The following NANOGNB variants were observed in gnomAD, a reference collection of about 807,000 sequenced individuals.
The protein encoded by NANOGNB is NANOG neighbor homeobox.
Under a neutral mutation model 25.0 loss-of-function variants are expected in NANOGNB, and 30 were observed. The ratio of observed to expected loss-of-function variants is 1.20; its 90% CI spans 0.90 to 1.63. The LOEUF (loss-of-function observed/expected upper bound fraction) is 1.63, where lower values mean the gene tolerates loss of function less well. NANOGNB is among the 40% of genes most tolerant of loss of function. The pLI, the probability that NANOGNB is intolerant of heterozygous loss-of-function variation, is 0.00. For synonymous variants in NANOGNB, 84 were observed against 62.1 expected (o/e 1.35, Z -1.66); for missense variants, 200 against 188.1 (o/e 1.06, Z -0.37).
At chr12:7,772,966 G>A (rs1017549508) in intron 3 of NANOGNB, among the ~76,000 whole-genome samples, 7 of 152,012 alleles carry the variant, frequency 4.6e-5, no homozygotes, top group African/African-American at 1.4e-4. Flanking sequence ...TTACATGCAT[G>A]AGACTGCATT....
intron 3 of NANOGNB, among the ~76,000 whole-genome samples, chr12:7,771,898 G>A (rs979797953): frequency 1.3e-5 from 2 of 152,146 alleles, no homozygotes; most frequent in Non-Finnish European, 2.9e-5. Context: ...TGGGATTCTA[G>A]GTGTGAACCT....
Position 7,765,226 on chromosome 12 carries a change from T to C in NANOGNB, c.-60T>C, listed in dbSNP as rs1382053352. The C allele has an allele frequency of 1.6e-6, 2 of 1,284,588 alleles. No homozygotes were observed. Among genetic ancestry groups the C allele is most frequent in the African/African-American group, 1.5e-5 (1 of 65,366 alleles). The allele number at this position is 1,284,588 out of a possible 1,614,324, so 79.6% of individuals were successfully genotyped here. ...CAAAAGATGGATGACATCTACCTTA[T>C]CTGGTCGGTCATCTCTGTAACCTCC... On this transcript the variant is annotated 5_prime_UTR_variant, in exon 1 of 4. Transcript: ENST00000382119.
intron 3 of NANOGNB, among the ~76,000 whole-genome samples, chr12:7,772,232 C>A (rs1862574956): frequency 6.6e-6 from 1 of 152,150 alleles, no homozygotes. Flanking sequence ...TTGGGCTTGC[C>A]ACAGGGAAAG....
At chr12:7,772,856 G>A (rs1287422692) in intron 3 of NANOGNB, among the ~76,000 whole-genome samples, 2 of 152,042 alleles carry the variant, frequency 1.3e-5, no homozygotes, top group African/African-American at 4.8e-5. Context: ...GGGATTACAG[G>A]CATGAGCCAC....
In NANOGNB at chr12:7,769,389, C is replaced by A. The variant is rs754230837; in HGVS notation, c.103-594C>A. 8.5e-4 allele frequency among the ~76,000 whole-genome samples: 128 copies of A among 151,138 alleles called. 1 individual carries two copies. Among genetic ancestry groups the A allele is most frequent in the African/African-American group, 2.8e-3 (114 of 41,132 alleles). On this transcript the variant is annotated intron_variant, in intron 1 of 3. Transcript: ENST00000382119. The stretch of plus-strand genomic sequence containing the variant: ...CCAGGCTGGAGTGCAGTGGTGCAAC[C>A]TCAGCCCACTGCAACCTCTGCCTCC...
At chr12:7,773,152 T>C (rs1862600902) in intron 3 of NANOGNB, among the ~76,000 whole-genome samples, 1 of 144,716 alleles carries the variant, frequency 6.9e-6, no homozygotes, top group African/African-American at 2.6e-5. Flanking sequence ...GATGGGGGTC[T>C]CACTATGCTG....
Position 7,770,462 on chromosome 12 carries a change from G to A in NANOGNB, c.459G>A (p.Thr153=), listed in dbSNP as rs749443725. 46 of 1,534,610 alleles carry A rather than the reference G, an allele frequency of 3.0e-5. No individual in the cohort carries two copies. Among genetic ancestry groups the A allele is most frequent in the East Asian group, 2.5e-5 (1 of 40,782 alleles). Residue 153 remains threonine (T), a synonymous_variant, in exon 3 of 4, where the codon ACG becomes ACA. Coordinates refer to ENST00000382119, the MANE Select transcript of NANOGNB (RefSeq NM_001145465.1). The part of the protein sequence containing the change: ...HKQISQWFCK[T]RKKYNKEMSK... ...AGATAAGTCAATGGTTTTGTAAAAC[G>A]AGGAAGAAATATAATAAAGAAATGT...
In NANOGNB at chr12:7,767,309, C is replaced by T. The variant is rs547689248; in HGVS notation, c.102+1922C>T. Among the ~76,000 whole-genome samples the T allele has an allele frequency of 1.8e-4, 28 of 151,702 alleles. No individual in the cohort carries two copies. The South Asian group carries it at 5.8e-3, about 32-fold the overall frequency. The stretch of plus-strand genomic sequence containing the variant: ...CAGAGAACTCTTTAAAATTTTCTTA[C>T]ACTTTATCACATTCTGTAAAAGAAA... On this transcript the variant is annotated intron_variant, in intron 1 of 3. Transcript: ENST00000382119.
At position 7,773,985 on chromosome 12, in the gene NANOGNB, G is replaced by A. The variant is rs1039811035; in HGVS notation, c.*134G>A. 16 of 451,442 alleles carry A rather than the reference G, an allele frequency of 3.5e-5. No individual in the cohort carries two copies. The highest frequency in any genetic ancestry group is 5.0e-5 in the Non-Finnish European group (13 of 258,100). 28.0% of individuals were successfully genotyped at this position (451,442 alleles called of 1,614,324 possible). ...GATAAACAAGAAAACATTAACAGTC[G>A]TTGATTCCGTGGAGTAGAACTAAAT... On this transcript the variant is annotated 3_prime_UTR_variant, in exon 4 of 4. Coordinates refer to ENST00000382119, the MANE Select transcript of NANOGNB (RefSeq NM_001145465.1).
chr12:7,766,197 A>C (rs1460257049), intron 1 of NANOGNB: 1 of 398,546 alleles, frequency 2.5e-6, no homozygotes, highest in Non-Finnish European at 4.4e-6. Flanking sequence ...CAGGCCAGGC[A>C]CAGTGGCTCA....
At chr12:7,765,792 G>T (rs1161019877) in intron 1 of NANOGNB, among the ~76,000 whole-genome samples, 2 of 151,886 alleles carry the variant, frequency 1.3e-5, no homozygotes, top group Non-Finnish European at 2.9e-5. Context: ...AACTGAGTTT[G>T]GGAATTTTAA....
At chr12:7,769,374 GTGCAGTGGTGCAACCTCAGCCCAC>G (rs1865272732) in intron 1 of NANOGNB, among the ~76,000 whole-genome samples, 1 of 150,346 alleles carries the variant, frequency 6.7e-6, no homozygotes, top group Non-Finnish European at 1.5e-5. Flanking sequence ...CCAGGCTGGA[GTGCAGTGGTGCAACCTCAGCCCAC>G]TGCAACCTCT....
rs540601158 is a variant in NANOGNB at position 7,768,574 on chromosome 12, G to C, written c.103-1409G>C. ...GCTCTGTCATCCAGGCTGCAGTCCA[G>C]TGGCACGATGTCAGCTGGCAGGATG... On this transcript the variant is annotated intron_variant, in intron 1 of 3. Coordinates refer to ENST00000382119, the MANE Select transcript of NANOGNB (RefSeq NM_001145465.1). Among the ~76,000 whole-genome samples, 3 of 151,616 alleles carry C rather than the reference G, an allele frequency of 2.0e-5. No homozygotes were observed. The Admixed American group carries it at 2.0e-4, about 10-fold the overall frequency.
chr12:7,767,960 G>A (rs566374429), intron 1 of NANOGNB, among the ~76,000 whole-genome samples: 4 of 151,870 alleles, frequency 2.6e-5, no homozygotes, highest in African/African-American at 7.3e-5. Flanking sequence ...CAGTCCTCTC[G>A]CCTCGGCCTC....
At chr12:7,767,625 C>T (rs943517336) in intron 1 of NANOGNB, among the ~76,000 whole-genome samples, 12 of 152,178 alleles carry the variant, frequency 7.9e-5, no homozygotes, top group Admixed American at 4.6e-4. Flanking sequence ...ATCCCACCCT[C>T]ATCTCTGATA....
chr12:7,768,496 C>T (rs1427112839), intron 1 of NANOGNB, among the ~76,000 whole-genome samples: 1 of 151,822 alleles, frequency 6.6e-6, no homozygotes, highest in African/African-American at 2.4e-5. Context: ...ACACTAGGTG[C>T]CACTGGCATA....
In NANOGNB at chr12:7,769,671, G is replaced by T. The variant is rs1175495305; in HGVS notation, c.103-312G>T. 2.0e-5 allele frequency among the ~76,000 whole-genome samples: 3 copies of T among 152,036 alleles called. No homozygotes were observed. The East Asian group carries it at 5.8e-4, about 29-fold the overall frequency. On this transcript the variant is annotated intron_variant, in intron 1 of 3. Transcript: ENST00000382119. ...CCTCCCGAGTAGCATGGGGCTACGG[G>T]CACGTGCCACCATGCCCGGCTAATG...
At chr12:7,769,514 G>T (rs1865273630) in intron 1 of NANOGNB, among the ~76,000 whole-genome samples, 1 of 152,020 alleles carries the variant, frequency 6.6e-6, no homozygotes, top group African/African-American at 2.4e-5. Flanking sequence ...GTAGAGATGG[G>T]GTTTCACCAT....
intron 3 of NANOGNB, among the ~76,000 whole-genome samples, chr12:7,770,899 A>G (rs1027020698): frequency 6.6e-6 from 1 of 152,174 alleles, no homozygotes; most frequent in Non-Finnish European, 1.5e-5. Flanking sequence ...GGCGTGAACC[A>G]CCACACCCGG....
Sources: allele counts gnomAD v4.1 joint callset (sites outside exome capture counted in the v4.1 genomes callset), GRCh38; gene constraint gnomAD v4.1.1; transcripts MANE v1.5; gene names NCBI Gene and HGNC (gene_info 2026-07-23, HGNC 2026-07-21).